TRPM1: variants seen among roughly 807,000 people sequenced by gnomAD.
TRPM1 encodes transient receptor potential cation channel subfamily M member 1.
A neutral mutation model predicts 149.4 loss-of-function variants in TRPM1; 113 were observed. The ratio of observed to expected loss-of-function variants is 0.76; its 90% CI spans 0.65 to 0.88. The LOEUF (loss-of-function observed/expected upper bound fraction) is 0.88. Ranked by LOEUF, TRPM1 falls within the 40% of genes least tolerant of loss-of-function variation. The pLI, the probability that TRPM1 is intolerant of heterozygous loss-of-function variation, is 0.00. For missense variants in TRPM1, 1,976 were observed against 2,038.7 expected (o/e 0.97, Z 0.59); for synonymous variants, 741 against 759.5 (o/e 0.98, Z 0.40).
intron 16 of TRPM1, among the ~76,000 whole-genome samples, chr15:31,045,647 G>A (rs1177518842): frequency 6.6e-6 from 1 of 152,120 alleles, no homozygotes; most frequent in Non-Finnish European, 1.5e-5. Context: ...CTCATCATAC[G>A]TTTCCCTTGC....
At chr15:31,125,250 C>G (rs967273126) in intron 1 of TRPM1, among the ~76,000 whole-genome samples, 2 of 152,220 alleles carry the variant, frequency 1.3e-5, no homozygotes, top group South Asian at 4.1e-4. Flanking sequence ...AATGTAAACT[C>G]TGGGCTTCAG....
intron 2 of TRPM1, 113 bp from the exon 3 acceptor site, chr15:31,077,097 T>C (rs557531992): frequency 2.1e-4 from 155 of 728,588 alleles, no homozygotes; most frequent in African/African-American, 2.0e-3. Context: ...TGAATAGTCA[T>C]CTGCAATAAT....
At chr15:31,018,651 A>G (rs991785475) in intron 27 of TRPM1, among the ~76,000 whole-genome samples, 2 of 150,486 alleles carry the variant, frequency 1.3e-5, no homozygotes, top group East Asian at 3.9e-4. Flanking sequence ...GATTACAGGG[A>G]TGAACCACCA....
rs777134305 is a variant in TRPM1 at position 31,040,350 on chromosome 15, G to A, written c.2088-4C>T. On this transcript the variant is annotated splice_region_variant and splice_polypyrimidine_tract_variant and intron_variant, in intron 17 of 27. Transcript: ENST00000256552. The surrounding 1 kb of genome is among the most constrained non-coding windows in gnomAD (Gnocchi z 4.2). ...CAAAGCAAGCTGGCCGAAGTCTCTGGGGGGAAAGAGAAGGGACCAGGGTGA... is the reference window on the plus strand; with the variant it reads ...CAAAGCAAGCTGGCCGAAGTCTCTGAGGGGAAAGAGAAGGGACCAGGGTGA... The A allele has an allele frequency of 6.2e-7, 1 of 1,613,902 alleles. No individual in the cohort carries two copies. The highest frequency in any genetic ancestry group is 1.7e-5 in the Admixed American group (1 of 60,008).
chr15:31,117,026 C>A (rs1478698827), intron 1 of TRPM1, among the ~76,000 whole-genome samples: 1 of 152,182 alleles, frequency 6.6e-6, no homozygotes, highest in Non-Finnish European at 1.5e-5. Flanking sequence ...AATCACCAGG[C>A]TGGGAATTTT....
upstream of TRPM1, among the ~76,000 whole-genome samples, chr15:31,102,035 T>G (rs1013139122): frequency 6.6e-5 from 10 of 152,206 alleles, no homozygotes; most frequent in African/African-American, 2.4e-4. Context: ...TTGAGACAAT[T>G]GGACATAATG....
chr15:31,034,012 A>G (rs998609582), intron 21 of TRPM1, among the ~76,000 whole-genome samples: 2 of 152,200 alleles, frequency 1.3e-5, no homozygotes, highest in Non-Finnish European at 2.9e-5. Context: ...TTTTCAGTTC[A>G]GTGAAAGGGT....
chr15:31,037,987 C>T, intron 19 of TRPM1, 57 bp downstream of exon 19: 1 of 1,613,410 alleles, frequency 6.2e-7, no homozygotes. Flanking sequence ...CAAGAAATCT[C>T]AACAATTTTG....
intron 11 of TRPM1, among the ~76,000 whole-genome samples, chr15:31,053,922 A>G (rs1166665279): frequency 2.6e-5 from 4 of 152,246 alleles, no homozygotes; most frequent in South Asian, 2.1e-4. Flanking sequence ...GGAAATTCTG[A>G]CAAATGCTAC....
intron 7 of TRPM1, among the ~76,000 whole-genome samples, chr15:31,064,222 T>C (rs4779814): frequency 0.41 from 62,116 of 152,166 alleles, 14,257 homozygotes; most frequent in East Asian, 0.82. Context: ...ACAAATGAGG[T>C]ACACTGTTCT....
chr15:31,033,133 C>T lies in TRPM1; in HGVS notation c.2701-193G>A, dbSNP rs2033172933. The T allele has an allele frequency of 4.1e-6, 3 of 725,466 alleles. No individual in the cohort carries two copies. In the Admixed American group the frequency reaches 7.3e-5, roughly 18 times the overall value. 44.9% of individuals were successfully genotyped at this position (725,466 alleles called of 1,614,324 possible). On this transcript the variant is annotated intron_variant, in intron 21 of 27. Transcript: ENST00000256552. ...GAAATTCCACGGAATCCTCCCTATTCTTAGATTCAGGGTTTTACAAACTCA... is the reference window on the plus strand; with the variant it reads ...GAAATTCCACGGAATCCTCCCTATTTTTAGATTCAGGGTTTTACAAACTCA...
intron 1 of TRPM1, among the ~76,000 whole-genome samples, chr15:31,154,834 C>A: frequency 6.6e-6 from 1 of 151,456 alleles, no homozygotes; most frequent in Non-Finnish European, 1.5e-5. Context: ...ATCTTGTGAC[C>A]CCCACCCAGG....
intron 1 of TRPM1, among the ~76,000 whole-genome samples, chr15:31,082,630 G>A (rs947619678): frequency 2.6e-5 from 4 of 152,168 alleles, no homozygotes; most frequent in South Asian, 2.1e-4. Flanking sequence ...GGGAGGCTGC[G>A]GGAAGAAAGT....
Position 31,161,026 on chromosome 15 carries a change from C to A in TRPM1, c.-67G>T. On this transcript the variant is annotated 5_prime_UTR_variant, in exon 1 of 27. Transcript: ENST00000542188. The stretch of plus-strand genomic sequence containing the variant: ...GGTGGCCAGGCCAGTGGCACAGGGG[C>A]TGCCCTCCCTGGGTGGGCAGGAGCG... The A allele has an allele frequency of 2.7e-6, 4 of 1,477,060 alleles. No homozygotes were observed. The South Asian group carries it at 4.8e-5, about 18-fold the overall frequency. The allele number at this position is 1,477,060 out of a possible 1,614,324, so 91.5% of individuals were successfully genotyped here. A position where few individuals can be genotyped will look rare whatever the true frequency, so the allele number is the denominator to read the frequency against.
intron 1 of TRPM1, among the ~76,000 whole-genome samples, chr15:31,143,248 T>C (rs1429607492): frequency 6.6e-6 from 1 of 152,242 alleles, no homozygotes; most frequent in Non-Finnish European, 1.5e-5. Flanking sequence ...AAGAAACTGA[T>C]GGGTTTGTGA....
chr15:31,097,687 GA>G (rs200777739), intron 1 of TRPM1, among the ~76,000 whole-genome samples: 7 of 150,224 alleles, frequency 4.7e-5, no homozygotes, highest in Admixed American at 1.3e-4. Flanking sequence ...ATTATGAATT[GA>G]AAAAAAAAGC....
chr15:31,098,901 G>T (rs928114781), intron 1 of TRPM1, among the ~76,000 whole-genome samples: 1 of 152,094 alleles, frequency 6.6e-6, no homozygotes, highest in South Asian at 2.1e-4. Context: ...CAGCGACAAG[G>T]TCTCAGCAGC....
chr15:31,043,443 C>T (rs766848494), intron 16 of TRPM1, among the ~76,000 whole-genome samples: 22 of 152,150 alleles, frequency 1.4e-4, no homozygotes, highest in Non-Finnish European at 1.9e-4. Context: ...CCTCCCGCCT[C>T]GGCCTCCCAA....
intron 1 of TRPM1, among the ~76,000 whole-genome samples, chr15:31,120,379 A>G (rs1383561058): frequency 1.3e-5 from 2 of 152,214 alleles, no homozygotes; most frequent in Non-Finnish European, 2.9e-5. Flanking sequence ...TATGTGTCTA[A>G]CAATGATGTC....
Sources: allele counts gnomAD v4.1 joint callset (sites outside exome capture counted in the v4.1 genomes callset), GRCh38; gene constraint gnomAD v4.1.1; non-coding constraint Gnocchi (gnomAD v3.1); transcripts MANE v1.5; gene names NCBI Gene and HGNC (gene_info 2026-07-23, HGNC 2026-07-21).